The following SLIT3 variants were observed in gnomAD, a reference collection of about 807,000 sequenced individuals.
SLIT3 encodes the protein slit guidance ligand 3.
In SLIT3, 68 loss-of-function variants were observed where a neutral mutation model predicts 184.0. That is an observed-to-expected ratio of 0.37 (90% CI 0.30 to 0.45). The LOEUF is 0.45. Among genes scored for constraint, SLIT3 ranks in the 20% least tolerant of loss-of-function variants. SLIT3 has a pLI of 1.00. For synonymous variants in SLIT3, 831 were observed against 828.6 expected (o/e 1.00, Z -0.05); for missense variants, 1,707 against 2,026.0 (o/e 0.84, Z 3.02).
chr5:169,060,745 C>A (rs1758150425), intron 4 of SLIT3, among the ~76,000 whole-genome samples: 2 of 152,204 alleles, frequency 1.3e-5, no homozygotes, highest in Admixed American at 1.3e-4. Flanking sequence ...GTTCTATGAA[C>A]AACAGGATGA....
intron 4 of SLIT3, among the ~76,000 whole-genome samples, chr5:168,967,437 C>CCTTTTTTTTTTTTTTTTTTT (rs1763237303): frequency 3.1e-5 from 1 of 32,732 alleles, no homozygotes; most frequent in African/African-American, 1.1e-4. Flanking sequence ...CATCTCAAAT[C>CCTTTTTTTTTTTTTTTTTTT]TTTTTTTTTT....
At chr5:169,244,386 C>T (rs1198046005) in intron 3 of SLIT3, among the ~76,000 whole-genome samples, 2 of 152,152 alleles carry the variant, frequency 1.3e-5, no homozygotes, top group Non-Finnish European at 1.5e-5. Context: ...TTCCCTCCTC[C>T]GTGGAAGGGA....
intron 5 of SLIT3, among the ~76,000 whole-genome samples, chr5:168,872,832 G>T (rs11749918): frequency 1.2e-3 from 176 of 151,896 alleles, no homozygotes; most frequent in Non-Finnish European, 2.2e-3. Flanking sequence ...AGTAGAGACG[G>T]GGTTTCACCG....
At chr5:169,109,104 A>C (rs1410737446) in intron 4 of SLIT3, among the ~76,000 whole-genome samples, 1 of 152,230 alleles carries the variant, frequency 6.6e-6, no homozygotes, top group Non-Finnish European at 1.5e-5. Context: ...GCTAAGTTAT[A>C]TAGCAAAGGC....
chr5:168,784,619 A>C (rs1286854106), intron 12 of SLIT3, among the ~76,000 whole-genome samples: 3 of 152,156 alleles, frequency 2.0e-5, no homozygotes, highest in South Asian at 2.1e-4. Context: ...GGGTAGAGGA[A>C]AGATGTAAGA....
chr5:168,708,154 T>C (rs757896865), intron 25 of SLIT3, 54 bp from the exon 26 acceptor site: 7 of 1,613,162 alleles, frequency 4.3e-6, no homozygotes, highest in African/African-American at 2.7e-5. Context: ...CTCACTGCCA[T>C]ACCTCCCTTC....
intron 4 of SLIT3, among the ~76,000 whole-genome samples, chr5:169,026,089 A>C (rs1432904): frequency 0.14 from 21,647 of 152,044 alleles, 2,778 homozygotes; most frequent in African/African-American, 0.34. Context: ...ATAGATGGGG[A>C]ATTTATGAAA....
chr5:168,798,058 T>C (rs1229357148), intron 9 of SLIT3, among the ~76,000 whole-genome samples: 1 of 151,940 alleles, frequency 6.6e-6, no homozygotes, highest in Non-Finnish European at 1.5e-5. Flanking sequence ...AATATAGATG[T>C]GAATACACAT....
intron 3 of SLIT3, among the ~76,000 whole-genome samples, chr5:169,232,199 A>G (rs1238796288): frequency 6.6e-6 from 1 of 152,166 alleles, no homozygotes; most frequent in African/African-American, 2.4e-5. Flanking sequence ...TGCTTATGAA[A>G]TATCAACTAC....
chr5:169,077,414 C>T (rs1758788502), intron 4 of SLIT3, among the ~76,000 whole-genome samples: 1 of 152,006 alleles, frequency 6.6e-6, no homozygotes, highest in Admixed American at 6.5e-5. Flanking sequence ...TGGCTGGTGC[C>T]TGTAATCCCA....
intron 20 of SLIT3, among the ~76,000 whole-genome samples, chr5:168,748,048 A>G (rs903874708): frequency 2.0e-5 from 3 of 152,032 alleles, no homozygotes; most frequent in African/African-American, 7.2e-5. Context: ...GGGTATCTTT[A>G]GGAATTACAG....
chr5:168,721,902 A>C (rs1418367817), intron 23 of SLIT3, among the ~76,000 whole-genome samples: 1 of 152,146 alleles, frequency 6.6e-6, no homozygotes, highest in East Asian at 1.9e-4. Flanking sequence ...GATCATCGAA[A>C]CGTGGCTATG....
At chr5:168,815,061 T>C (rs1027824185) in intron 8 of SLIT3, among the ~76,000 whole-genome samples, 3 of 152,232 alleles carry the variant, frequency 2.0e-5, no homozygotes, top group African/African-American at 7.2e-5. Context: ...AGCATAGTCA[T>C]GTCTGGAGCC....
At chr5:169,087,131 A>C (rs1759335760) in intron 4 of SLIT3, among the ~76,000 whole-genome samples, 1 of 152,220 alleles carries the variant, frequency 6.6e-6, no homozygotes, top group South Asian at 2.1e-4. Flanking sequence ...GTTTCACAAC[A>C]AAGCAAAGCA....
In SLIT3 at chr5:168,664,248, C is replaced by T. The variant is rs1760963294; in HGVS notation, c.*2206G>A. Reference sequence around the variant, plus strand: ...TTGAAACAGGCTGAGCATAGTGGCTCACACCTGTAATCCCAGCATTTTGGG... The same window carrying T: ...TTGAAACAGGCTGAGCATAGTGGCTTACACCTGTAATCCCAGCATTTTGGG... On this transcript the variant is annotated 3_prime_UTR_variant, in exon 36 of 36. Transcript: ENST00000519560. 6.6e-6 allele frequency: 1 copy of T among 152,172 alleles called. No homozygotes were observed. The highest frequency in any genetic ancestry group is 1.5e-5 in the Non-Finnish European group (1 of 68,032). The allele number at this position is 152,172 out of a possible 1,614,324, so 9.4% of individuals were successfully genotyped here. A position where few individuals can be genotyped will look rare whatever the true frequency, so the allele number is the denominator to read the frequency against.
intron 20 of SLIT3, among the ~76,000 whole-genome samples, chr5:168,741,199 G>A (rs963698434): frequency 1.2e-4 from 18 of 152,186 alleles, no homozygotes; most frequent in Non-Finnish European, 2.2e-4. Flanking sequence ...CTCCAGGCAC[G>A]GAGGCTCATG....
At chr5:168,777,833 G>A (rs1051054416) in intron 12 of SLIT3, among the ~76,000 whole-genome samples, 1 of 152,208 alleles carries the variant, frequency 6.6e-6, no homozygotes, top group African/African-American at 2.4e-5. Flanking sequence ...CTGTCCCTGT[G>A]CCCTCTTTCC....
At chr5:169,124,626 AG>A (rs1473063565) in intron 4 of SLIT3, among the ~76,000 whole-genome samples, 1 of 152,258 alleles carries the variant, frequency 6.6e-6, no homozygotes, top group Non-Finnish European at 1.5e-5. Flanking sequence ...AGTGATTAAA[AG>A]CCATCTAAAG....
chr5:168,768,381 G>A, intron 14 of SLIT3: 1 of 446,886 alleles, frequency 2.2e-6, no homozygotes, highest in South Asian at 1.6e-5. Context: ...GGTTCCACTG[G>A]AACACTTCCG....
Sources: gnomAD v4.1 joint callset for allele counts (sites outside exome capture counted in the v4.1 genomes callset) on GRCh38, gnomAD v4.1.1 for gene constraint, MANE v1.5 for transcripts, NCBI Gene and HGNC (gene_info 2026-07-23, HGNC 2026-07-21) for gene names.